Variants in SRGAP2 observed in about 807,000 individuals in gnomAD.
The protein encoded by SRGAP2 is SLIT-ROBO Rho GTPase activating protein 2.
Under a neutral mutation model 57.2 loss-of-function variants are expected in SRGAP2, and 15 were observed. The ratio of observed to expected loss-of-function variants is 0.26; its 90% CI spans 0.18 to 0.40. SRGAP2 has a LOEUF of 0.40. SRGAP2 is among the 10% of genes least tolerant of loss of function. The pLI, the probability that SRGAP2 is intolerant of heterozygous loss-of-function variation, is 1.00. For missense variants in SRGAP2, 520 were observed against 669.6 expected, an observed-to-expected ratio of 0.78 and a Z score of 2.47; for synonymous variants, 249 against 248.0, an observed-to-expected ratio of 1.00 and a Z score of -0.04.
At chr1:206,383,671 G>C (rs568529845) in intron 4 of SRGAP2, among the ~76,000 whole-genome samples, 1 of 148,584 alleles carries the variant, frequency 6.7e-6, no homozygotes, top group East Asian at 1.9e-4. Flanking sequence ...TTGACTGCAA[G>C]TATCTGAGAA....
At chr1:206,347,035 A>G (rs555850913) in intron 4 of SRGAP2, among the ~76,000 whole-genome samples, 99 of 149,014 alleles carry the variant, frequency 6.6e-4, no homozygotes, top group African/African-American at 2.0e-3. Context: ...TGAAGCAAGG[A>G]GTTCAAGACC....
intron 4 of SRGAP2, among the ~76,000 whole-genome samples, chr1:206,372,973 CTT>C (rs1491112238): frequency 3.2e-5 from 1 of 31,188 alleles, no homozygotes; most frequent in African/African-American, 1.3e-4. Context: ...TCCTTTCTTT[CTT>C]TCTTTCTTTC....
intron 13 of SRGAP2, among the ~76,000 whole-genome samples, chr1:206,425,174 C>G (rs551150106): frequency 2.0e-5 from 3 of 152,188 alleles, no homozygotes; most frequent in South Asian, 4.2e-4. Context: ...AAACCTAGGA[C>G]CAACAAAACT....
At chr1:206,208,938 T>G (rs1473663870) in intron 2 of SRGAP2, among the ~76,000 whole-genome samples, 1 of 151,746 alleles carries the variant, frequency 6.6e-6, no homozygotes, top group African/African-American at 2.4e-5. Flanking sequence ...AGTTTCCTTA[T>G]TTGGAAAATA....
intron 21 of SRGAP2, among the ~76,000 whole-genome samples, chr1:206,457,190 C>G (rs1183691198): frequency 1.3e-5 from 2 of 152,034 alleles, no homozygotes; most frequent in African/African-American, 4.8e-5. Flanking sequence ...CATGAGTCAG[C>G]TATCCTCAAG....
chr1:206,314,114 T>TG, intron 3 of SRGAP2, among the ~76,000 whole-genome samples: 13 of 150,480 alleles, frequency 8.6e-5, no homozygotes, highest in African/African-American at 2.7e-4. Flanking sequence ...TGTTTTTTTT[T>TG]TTTTGTTGTT....
At chr1:206,449,286 A>ATTCCTTACACTGGATTATTTTTTTGT (rs1553374930) in intron 18 of SRGAP2, among the ~76,000 whole-genome samples, 1 of 110,680 alleles carries the variant, frequency 9.0e-6, no homozygotes, top group Non-Finnish European at 1.8e-5. Context: ...ACACTGGATG[A>ATTCCTTACACTGGATTATTTTTTTGT]TTTTTTTTTT....
intron 2 of SRGAP2, among the ~76,000 whole-genome samples, chr1:206,259,578 C>G (rs1669419276): frequency 6.8e-6 from 1 of 147,574 alleles, no homozygotes; most frequent in Non-Finnish European, 1.5e-5. Flanking sequence ...CTCAAGTGTT[C>G]CTCTCACTTT....
intron 5 of SRGAP2, among the ~76,000 whole-genome samples, chr1:206,386,332 G>C (rs1656248031): frequency 6.6e-6 from 1 of 150,728 alleles, no homozygotes; most frequent in South Asian, 2.1e-4. Flanking sequence ...ACCCTGTCTT[G>C]ACTACTAGCT....
chr1:206,353,246 T>C (rs2102961557), intron 4 of SRGAP2, among the ~76,000 whole-genome samples: 1 of 152,372 alleles, frequency 6.6e-6, no homozygotes, highest in South Asian at 2.1e-4. Flanking sequence ...TTGTTATCAA[T>C]TGCATGTATG....
intron 13 of SRGAP2, among the ~76,000 whole-genome samples, chr1:206,425,282 A>C (rs1660696708): frequency 6.6e-6 from 1 of 152,236 alleles, no homozygotes; most frequent in African/African-American, 2.4e-5. Context: ...TATGGGGTAC[A>C]TGTAATATTT....
chr1:206,305,585 G>C (rs1672140878), intron 3 of SRGAP2, among the ~76,000 whole-genome samples: 1 of 151,898 alleles, frequency 6.6e-6, no homozygotes, highest in East Asian at 1.9e-4. Context: ...TCTTCTCTGA[G>C]TGGACTGTAT....
At chr1:206,409,535 G>A (rs1390882554) in intron 10 of SRGAP2, among the ~76,000 whole-genome samples, 12 of 151,848 alleles carry the variant, frequency 7.9e-5, no homozygotes, top group African/African-American at 2.2e-4. Flanking sequence ...TAATCCCAGC[G>A]CTGTGGGAGC....
In SRGAP2 at chr1:206,374,019, C is replaced by CTTTTTT. The variant is rs56021600; in HGVS notation, c.424-9977_424-9972dup. Among the ~76,000 whole-genome samples the CTTTTTT allele has an allele frequency of 4.5e-4, 35 of 77,000 alleles. 1 individual carries two copies. Among genetic ancestry groups the CTTTTTT allele is most frequent in the African/African-American group, 6.1e-4 (11 of 17,994 alleles). The allele number at this position is 77,000 out of a possible 152,430, so 50.5% of individuals were successfully genotyped here. On this transcript the variant is annotated intron_variant, in intron 4 of 22. Coordinates refer to ENST00000573034, the MANE Select transcript of SRGAP2 (RefSeq NM_015326.5). The stretch of plus-strand genomic sequence containing the variant: ...TGACAACTGCGGGTAGATACACATT[C>CTTTTTT]TTTTTTTTTTTTTTTTTTTTTTTGA...
At chr1:206,441,170 C>G (rs1662262419) in intron 17 of SRGAP2, among the ~76,000 whole-genome samples, 1 of 152,144 alleles carries the variant, frequency 6.6e-6, no homozygotes, top group Admixed American at 6.5e-5. Context: ...AGAAAGGAAT[C>G]AAGACAATGT....
chr1:206,445,885 G>A (rs1662712909), intron 17 of SRGAP2, among the ~76,000 whole-genome samples, 190 bp from the exon 18 acceptor site: 1 of 152,210 alleles, frequency 6.6e-6, no homozygotes, highest in South Asian at 2.1e-4. Context: ...CATTTCCTGA[G>A]CTCCTGAATG....
Position 206,446,078 on chromosome 1 carries a change from A to G in SRGAP2, c.1878A>G (p.Leu626=), listed in dbSNP as rs1390054043. ...CCCCCTTTCCCTTCTCCTCCAGTTT[A>G]TCACAGTTCAGTGAAGAGAACATGA... ...MRYLFAFLNH[L]SQFSEENMMD... The change falls in exon 18 of 23, where the codon TTA becomes TTG. Residue 626 remains leucine (L), a synonymous_variant. Coordinates refer to ENST00000573034, the MANE Select transcript of SRGAP2 (RefSeq NM_015326.5). 2.6e-6 allele frequency: 2 copies of G among 780,680 alleles called. No individual in the cohort carries two copies. Among genetic ancestry groups the G allele is most frequent in the Non-Finnish European group, 4.8e-6 (2 of 417,964 alleles). 48.4% of individuals were successfully genotyped at this position (780,680 alleles called of 1,614,324 possible).
chr1:206,294,831 A>T (rs1662493108), intron 2 of SRGAP2, among the ~76,000 whole-genome samples: 1 of 151,754 alleles, frequency 6.6e-6, no homozygotes, highest in Admixed American at 6.6e-5. Context: ...AACATTTACC[A>T]GCTCCATTTC....
intron 10 of SRGAP2, among the ~76,000 whole-genome samples, chr1:206,411,589 G>A (rs1659229986): frequency 6.6e-6 from 1 of 152,214 alleles, no homozygotes; most frequent in Non-Finnish European, 1.5e-5. Flanking sequence ...AGCCACTATA[G>A]TGACATCTGT....
Sources: gnomAD v4.1 joint callset for allele counts (sites outside exome capture counted in the v4.1 genomes callset) on GRCh38, gnomAD v4.1.1 for gene constraint, MANE v1.5 for transcripts, NCBI Gene and HGNC (gene_info 2026-07-23, HGNC 2026-07-21) for gene names.